Variants in GRM3 observed in about 807,000 individuals in gnomAD.
The protein encoded by GRM3 is glutamate metabotropic receptor 3, also known as metabotropic glutamate receptor 3.
GRM3 carries 26 observed loss-of-function variants against 70.5 expected under a neutral mutation model. That is an observed-to-expected ratio of 0.37 (90% CI 0.27 to 0.51). The LOEUF is 0.51. GRM3 is among the 20% of genes least tolerant of loss of function. The pLI is 0.93. For missense variants in GRM3, 859 were observed against 1,123.8 expected (o/e 0.76, Z 3.37); for synonymous variants, 443 against 434.9 (o/e 1.02, Z -0.23).
At chr7:86,656,970 T>G (rs1220764870) in intron 1 of GRM3, among the ~76,000 whole-genome samples, 1 of 152,176 alleles carries the variant, frequency 6.6e-6, no homozygotes, top group African/African-American at 2.4e-5. Context: ...ATAATGCATA[T>G]TTAACACATA....
At chr7:86,725,372 AT>A (rs1219423763) in intron 1 of GRM3, among the ~76,000 whole-genome samples, 1 of 152,114 alleles carries the variant, frequency 6.6e-6, no homozygotes, top group Non-Finnish European at 1.5e-5. Context: ...AGAGCCAGGA[AT>A]TTGGAAAGGG....
At chr7:86,657,177 T>C (rs1159723647) in intron 1 of GRM3, among the ~76,000 whole-genome samples, 1 of 152,204 alleles carries the variant, frequency 6.6e-6, no homozygotes, top group African/African-American at 2.4e-5. Flanking sequence ...GACATAAATC[T>C]TTAATGAGCA....
At chr7:86,659,568 T>C (rs996550314) in intron 1 of GRM3, among the ~76,000 whole-genome samples, 3 of 152,048 alleles carry the variant, frequency 2.0e-5, no homozygotes, top group Non-Finnish European at 2.9e-5. Flanking sequence ...ATGTAAACTA[T>C]GCAAAAAACA....
At chr7:86,813,556 A>G (rs1259887334) in intron 3 of GRM3, among the ~76,000 whole-genome samples, 1 of 151,818 alleles carries the variant, frequency 6.6e-6, no homozygotes, top group African/African-American at 2.4e-5. Flanking sequence ...TCACCTTAGC[A>G]TGCTAGCTTG....
intron 2 of GRM3, among the ~76,000 whole-genome samples, chr7:86,782,029 A>C (rs1167478624): frequency 6.6e-6 from 1 of 152,050 alleles, no homozygotes; most frequent in African/African-American, 2.4e-5. Context: ...CTCTTATTAA[A>C]CCCATGCTGA....
Position 86,763,101 on chromosome 7 carries a change from G to A in GRM3, c.-140-1905G>A, listed in dbSNP as rs890381930. ...TGTGCATTAGAGTGTCTCCCCCAAT[G>A]AGACATCATTCAAATTGCTAACATT... On this transcript the variant is annotated intron_variant, in intron 1 of 5. Transcript: ENST00000361669. Among the ~76,000 whole-genome samples, 13 of 152,128 alleles carry A rather than the reference G, an allele frequency of 8.5e-5. No individual in the cohort carries two copies. In the East Asian group the frequency reaches 1.2e-3, roughly 14 times the overall value.
intron 1 of GRM3, among the ~76,000 whole-genome samples, chr7:86,700,672 C>A (rs1794927256): frequency 6.6e-6 from 1 of 151,770 alleles, no homozygotes; most frequent in South Asian, 2.1e-4. Flanking sequence ...ATTAAGGAAG[C>A]CAGAAAGAGA....
chr7:86,813,657 A>G (rs189490586), intron 3 of GRM3, among the ~76,000 whole-genome samples: 1 of 151,926 alleles, frequency 6.6e-6, no homozygotes, highest in African/African-American at 2.4e-5. Flanking sequence ...GTGTTGTTTA[A>G]CAGGCCACAC....
At chr7:86,681,289 A>G (rs1332164211) in intron 1 of GRM3, among the ~76,000 whole-genome samples, 2 of 152,118 alleles carry the variant, frequency 1.3e-5, no homozygotes, top group Non-Finnish European at 2.9e-5. Flanking sequence ...GGAACCCACA[A>G]TTCAGTGTCT....
chr7:86,782,716 C>T (rs1354226902), intron 2 of GRM3, among the ~76,000 whole-genome samples: 3 of 152,174 alleles, frequency 2.0e-5, no homozygotes, highest in Non-Finnish European at 4.4e-5. Flanking sequence ...CACCAAAATC[C>T]CCCAAATGCA....
chr7:86,708,916 T>C (rs1223588909), intron 1 of GRM3, among the ~76,000 whole-genome samples: 1 of 148,632 alleles, frequency 6.7e-6, no homozygotes, highest in Non-Finnish European at 1.5e-5. Flanking sequence ...ATCAGCTAAG[T>C]AGCTCGAATC....
At position 86,804,803 on chromosome 7, in the gene GRM3, A is replaced by G. The variant is rs551728426; in HGVS notation, c.1324+17687A>G. 2.0e-5 allele frequency among the ~76,000 whole-genome samples: 3 copies of G among 152,322 alleles called. No homozygotes were observed. The East Asian group carries it at 5.8e-4, about 29-fold the overall frequency. On this transcript the variant is annotated intron_variant, in intron 3 of 5. Transcript: ENST00000361669. The stretch of plus-strand genomic sequence containing the variant: ...GGATTTCTATTAGTGATAATAGGAT[A>G]TCCTTCTGCATTTAAAGAGGATGGT...
intron 3 of GRM3, among the ~76,000 whole-genome samples, chr7:86,833,999 C>T (rs1243359306): frequency 6.6e-6 from 1 of 152,098 alleles, no homozygotes; most frequent in Non-Finnish European, 1.5e-5. Flanking sequence ...TTTGTTTATT[C>T]ACCACCCACT....
At chr7:86,835,344 T>C (rs975996755) in intron 3 of GRM3, among the ~76,000 whole-genome samples, 8 of 152,112 alleles carry the variant, frequency 5.3e-5, no homozygotes, top group Admixed American at 2.6e-4. Context: ...TTAAAGTAAA[T>C]TTGAAGTGCA....
At chr7:86,728,265 C>T (rs1795638869) in intron 1 of GRM3, among the ~76,000 whole-genome samples, 1 of 152,172 alleles carries the variant, frequency 6.6e-6, no homozygotes, top group Admixed American at 6.5e-5. Context: ...AACAATGTAA[C>T]TGGCAGGAGC....
intron 1 of GRM3, among the ~76,000 whole-genome samples, chr7:86,704,892 C>T (rs915129632): frequency 6.6e-6 from 1 of 151,840 alleles, no homozygotes; most frequent in Non-Finnish European, 1.5e-5. Flanking sequence ...TTTAGAGAAA[C>T]TTCAAGTGTG....
At chr7:86,674,022 T>C (rs1167088728) in intron 1 of GRM3, among the ~76,000 whole-genome samples, 1 of 152,156 alleles carries the variant, frequency 6.6e-6, no homozygotes, top group East Asian at 1.9e-4. Context: ...CTAAAACCAG[T>C]ATATTGATTA....
intron 1 of GRM3, among the ~76,000 whole-genome samples, chr7:86,648,025 G>C (rs116674180): frequency 6.6e-6 from 1 of 152,156 alleles, no homozygotes; most frequent in Non-Finnish European, 1.5e-5. Context: ...TTCTGGACTA[G>C]TTCATCCTCT....
intron 1 of GRM3, among the ~76,000 whole-genome samples, chr7:86,728,359 TAAGGA>T (rs1336058264): frequency 1.3e-5 from 2 of 152,220 alleles, no homozygotes; most frequent in African/African-American, 4.8e-5. Context: ...AGAAAAACAT[TAAGGA>T]AAGTCAGATA....
Sources: allele counts gnomAD v4.1 joint callset (sites outside exome capture counted in the v4.1 genomes callset), GRCh38; gene constraint gnomAD v4.1.1; transcripts MANE v1.5; gene names NCBI Gene and HGNC (gene_info 2026-07-23, HGNC 2026-07-21).